CLASP2: variants seen among roughly 807,000 people sequenced by gnomAD.
CLASP2 encodes cytoplasmic linker associated protein 2.
In CLASP2, 47 loss-of-function variants were observed where a neutral mutation model predicts 194.4. The ratio of observed to expected loss-of-function variants is 0.24; its 90% CI spans 0.19 to 0.31. The LOEUF (loss-of-function observed/expected upper bound fraction) is 0.31. Among genes scored for constraint, CLASP2 ranks in the 10% least tolerant of loss-of-function variants. The pLI, the probability that CLASP2 is intolerant of heterozygous loss-of-function variation, is 1.00. For synonymous variants in CLASP2, 619 were observed against 633.5 expected, an observed-to-expected ratio of 0.98 and a Z score of 0.34; for missense variants, 1,445 against 1,823.6, an observed-to-expected ratio of 0.79 and a Z score of 3.78.
In CLASP2 at chr3:33,606,597, C is replaced by G; in HGVS notation, c.1688G>C (p.Ser563Thr). 1 of 1,612,680 alleles carries G rather than the reference C, an allele frequency of 6.2e-7. No homozygotes were observed. Among genetic ancestry groups the G allele is most frequent in the Non-Finnish European group, 8.5e-7 (1 of 1,179,372 alleles). Residue 563 changes from serine (S) to threonine (T), a missense_variant, in exon 16 of 39, where the codon AGT (serine) becomes ACT (threonine). This residue lies in a region of CLASP2 where 174 missense variants were observed against 179.0 expected (regional missense o/e 0.97). Transcript: ENST00000682230. The stretch of plus-strand genomic sequence containing the variant: ...ATTATTTATATGACCTTACTTGAGA[C>G]TTTCCTGTGAGCTGGATGAGGACCT... The part of the protein sequence containing the change: ...SDRSSSSSQE[S>T]LNRPFSSKWS...
At chr3:33,501,863 C>T (rs529410499) in intron 37 of CLASP2, 95 bp from the exon 38 acceptor site, 3 of 789,988 alleles carry the variant, frequency 3.8e-6, no homozygotes, top group Middle Eastern at 2.3e-4. Context: ...AAGATGAAAT[C>T]TCGAGCATAC....
At position 33,652,132 on chromosome 3, in the gene CLASP2, A is replaced by G. The variant is rs186505232; in HGVS notation, c.716-7229T>C. The stretch of plus-strand genomic sequence containing the variant: ...TTTTCTTCAGTGAAACAAACAGTTC[A>G]GTAAGAAGAACCCCCAACACTATAA... On this transcript the variant is annotated intron_variant, in intron 7 of 38. Coordinates refer to ENST00000682230, the MANE Select transcript of CLASP2 (RefSeq NM_001365631.1). Among the ~76,000 whole-genome samples, 5 of 152,380 alleles carry G rather than the reference A, an allele frequency of 3.3e-5. No homozygotes were observed. The East Asian group carries it at 7.7e-4, about 23-fold the overall frequency.
At chr3:33,544,532 ACT>A (rs1235703980) in intron 31 of CLASP2, among the ~76,000 whole-genome samples, 164 bp downstream of exon 31, 9 of 152,098 alleles carry the variant, frequency 5.9e-5, no homozygotes, top group Admixed American at 5.9e-4. Flanking sequence ...AGGAATAGGG[ACT>A]CTGTTCTTTC....
chr3:33,508,727 A>C (rs1477424551), intron 37 of CLASP2, among the ~76,000 whole-genome samples: 2 of 152,244 alleles, frequency 1.3e-5, no homozygotes, highest in East Asian at 3.8e-4. Flanking sequence ...TCCTGAAAAT[A>C]GGATAGGTAG....
At position 33,622,239 on chromosome 3, in the gene CLASP2, C is replaced by T. The variant is rs780987747; in HGVS notation, c.1077G>A (p.Gln359=). The T allele has an allele frequency of 3.2e-6, 5 of 1,560,952 alleles. No homozygotes were observed. The highest frequency in any genetic ancestry group is 1.7e-4 in the Middle Eastern group (1 of 5,884). The change falls in exon 11 of 39, where the codon CAG becomes CAA. Residue 359 remains glutamine, a synonymous_variant. Coordinates refer to ENST00000682230, the MANE Select transcript of CLASP2 (RefSeq NM_001365631.1). ...IRSLLVAGAA[Q]YDCFFQHLRL... ...GTAAATGTTGAAAAAAGCAATCATA[C>T]TGTGCAGCTCCAGCAACAAGCAGTG...
chr3:33,563,665 T>A (rs779797709), intron 27 of CLASP2, among the ~76,000 whole-genome samples: 5 of 152,162 alleles, frequency 3.3e-5, no homozygotes, highest in Non-Finnish European at 7.3e-5. Flanking sequence ...CGTGTGTCAA[T>A]ATAACTTTAT....
intron 6 of CLASP2, among the ~76,000 whole-genome samples, chr3:33,679,414 T>C (rs2089417346): frequency 6.6e-6 from 1 of 152,160 alleles, no homozygotes; most frequent in African/African-American, 2.4e-5. Context: ...AACTTTCTTC[T>C]CTTTGAAAGA....
intron 6 of CLASP2, 84 bp downstream of exon 6, chr3:33,684,275 A>T (rs1413733368): frequency 1.4e-6 from 1 of 701,530 alleles, no homozygotes; most frequent in African/African-American, 1.9e-5. Context: ...TAAATAAAAA[A>T]TACATTGAAA....
chr3:33,523,777 A>G (rs1165457400), intron 34 of CLASP2, among the ~76,000 whole-genome samples: 1 of 152,210 alleles, frequency 6.6e-6, no homozygotes, highest in East Asian at 1.9e-4. Context: ...TTCTGGAGAC[A>G]ATTGTATAAA....
At chr3:33,602,885 T>C (rs960247937) in intron 18 of CLASP2, 67 bp downstream of exon 18, 3 of 1,393,716 alleles carry the variant, frequency 2.2e-6, no homozygotes, top group African/African-American at 1.4e-5. Context: ...GATTAAGGTA[T>C]ATGAACTTGT....
At chr3:33,529,177 C>T (rs1420473230) in intron 34 of CLASP2, among the ~76,000 whole-genome samples, 1 of 152,126 alleles carries the variant, frequency 6.6e-6, no homozygotes, top group Non-Finnish European at 1.5e-5. Flanking sequence ...TCAGAGAAGA[C>T]ACAAACAAAT....
At chr3:33,501,357 C>A (rs759086697) in intron 38 of CLASP2, among the ~76,000 whole-genome samples, 12 of 152,098 alleles carry the variant, frequency 7.9e-5, no homozygotes, top group South Asian at 2.1e-4. Flanking sequence ...AGATTTGGGT[C>A]TGGGATTTGG....
intron 19 of CLASP2, among the ~76,000 whole-genome samples, chr3:33,595,618 T>A (rs1196780762): frequency 1.3e-5 from 2 of 152,070 alleles, no homozygotes; most frequent in Non-Finnish European, 2.9e-5. Flanking sequence ...GTATTTTTTT[T>A]AAACATAGGA....
intron 7 of CLASP2, chr3:33,659,325 G>A: frequency 1.8e-6 from 2 of 1,136,534 alleles, no homozygotes; most frequent in Non-Finnish European, 2.2e-6. Context: ...GAAAAGCTCT[G>A]AGAGCCAATA....
intron 30 of CLASP2, among the ~76,000 whole-genome samples, chr3:33,550,545 A>G (rs1464766492): frequency 6.6e-6 from 1 of 152,052 alleles, no homozygotes; most frequent in Non-Finnish European, 1.5e-5. Flanking sequence ...AATGTCTAAG[A>G]AGGAGCTCTC....
chr3:33,689,877 T>C lies in CLASP2; in HGVS notation c.330A>G (p.Glu110=). 1.9e-6 allele frequency: 3 copies of C among 1,600,610 alleles called. No homozygotes were observed. The highest frequency in any genetic ancestry group is 2.6e-6 in the Non-Finnish European group (3 of 1,174,002). The change falls in exon 3 of 39, where the codon GAA becomes GAG. Residue 110 remains glutamate (E), a synonymous_variant. Coordinates refer to ENST00000682230, the MANE Select transcript of CLASP2 (RefSeq NM_001365631.1). Reference sequence around the variant, plus strand: ...TTAACTTCAATATCAGAGTCTGAGCTTCATCTCGAACCTTGTCTTTGGCAT... The same window carrying C: ...TTAACTTCAATATCAGAGTCTGAGCCTCATCTCGAACCTTGTCTTTGGCAT... The part of the protein sequence containing the change: ...MGDAKDKVRD[E]AQTLILKLMD...
chr3:33,669,504 G>A (rs913493266), intron 6 of CLASP2, among the ~76,000 whole-genome samples: 2 of 151,462 alleles, frequency 1.3e-5, no homozygotes, highest in African/African-American at 4.9e-5. Context: ...GATACTTGAA[G>A]CATATAGCAT....
chr3:33,581,987 T>C, intron 22 of CLASP2, 59 bp from the exon 23 acceptor site: 2 of 1,250,266 alleles, frequency 1.6e-6, no homozygotes, highest in Non-Finnish European at 2.3e-6. Flanking sequence ...GAGTTTGCAT[T>C]TTAAAAAATT....
intron 20 of CLASP2, among the ~76,000 whole-genome samples, chr3:33,593,123 C>G (rs547136005): frequency 7.2e-5 from 11 of 152,098 alleles, no homozygotes; most frequent in Non-Finnish European, 1.3e-4. Flanking sequence ...TCATACCTCC[C>G]GAACTGCACT....
Sources: allele counts gnomAD v4.1 joint callset (sites outside exome capture counted in the v4.1 genomes callset), GRCh38; gene constraint gnomAD v4.1.1; regional missense constraint gnomAD v4.1.1; transcripts MANE v1.5; gene names NCBI Gene and HGNC (gene_info 2026-07-23, HGNC 2026-07-21).